PARD3B: variants seen among roughly 807,000 people sequenced by gnomAD.
The protein encoded by PARD3B is par-3 family cell polarity regulator beta.
PARD3B carries 103 observed loss-of-function variants against 130.2 expected under a neutral mutation model. The observed-to-expected ratio is 0.79, with a 90% CI of 0.67 to 0.93. The LOEUF is 0.93. Among genes scored for constraint, PARD3B ranks in the 40% least tolerant of loss-of-function variants. The pLI is 0.00. For missense variants in PARD3B, 1,609 were observed against 1,499.2 expected, an observed-to-expected ratio of 1.07 and a Z score of -1.21; for synonymous variants, 583 against 553.2, an observed-to-expected ratio of 1.05 and a Z score of -0.76.
At chr2:205,080,332 G>A (rs574583098) in intron 4 of PARD3B, among the ~76,000 whole-genome samples, 6 of 151,864 alleles carry the variant, frequency 4.0e-5, no homozygotes, top group South Asian at 4.2e-4. Flanking sequence ...CTCTGCTTCC[G>A]GTTATGTATA....
At chr2:205,167,263 A>T (rs13422432) in intron 11 of PARD3B, among the ~76,000 whole-genome samples, 25,639 of 152,086 alleles carry the variant, frequency 0.17, 2,292 homozygotes, top group Middle Eastern at 0.21. Flanking sequence ...ATCATAAATA[A>T]GCTTTAGAGG....
At chr2:204,563,567 A>T (rs932028741) in intron 1 of PARD3B, among the ~76,000 whole-genome samples, 1 of 152,018 alleles carries the variant, frequency 6.6e-6, no homozygotes, top group African/African-American at 2.4e-5. Context: ...TTTATTTCTT[A>T]TATTTTTGCT....
chr2:205,266,561 A>G lies in PARD3B; in HGVS notation c.2185+20739A>G, dbSNP rs184310134. ...ATGGAAAATACTTAGCTTAGTGCCTAGAACACTGAAAGTACTCAGTCAGTG... is the reference window on the plus strand; with the variant it reads ...ATGGAAAATACTTAGCTTAGTGCCTGGAACACTGAAAGTACTCAGTCAGTG... On this transcript the variant is annotated intron_variant, in intron 16 of 22. Transcript: ENST00000406610. Among the ~76,000 whole-genome samples the G allele has an allele frequency of 5.9e-5, 9 of 152,236 alleles. No homozygotes were observed. The East Asian group carries it at 1.3e-3, about 23-fold the overall frequency.
intron 2 of PARD3B, among the ~76,000 whole-genome samples, chr2:204,883,330 G>C (rs929045966): frequency 7.0e-6 from 1 of 142,590 alleles, no homozygotes; most frequent in African/African-American, 2.6e-5. Context: ...TTTCATTTTT[G>C]ATCAGTTATG....
rs1009435868 is a variant in PARD3B, at chr2:205,536,454, G to A, written c.3181-16870G>A. On this transcript the variant is annotated intron_variant, in intron 21 of 22. Coordinates refer to ENST00000406610, the MANE Select transcript of PARD3B (RefSeq NM_001302769.2). ...GAAAGATGATTCTACCCACTCTTTG[G>A]ATGGGTTGTTCCCCACGGTTGACCC... 9.2e-5 allele frequency among the ~76,000 whole-genome samples: 14 copies of A among 152,228 alleles called. No homozygotes were observed. In the East Asian group the frequency reaches 2.7e-3, roughly 29 times the overall value.
chr2:204,834,614 TAGG>T lies in PARD3B; in HGVS notation c.223-130535_223-130533del, dbSNP rs749180090. ...TATGTTTATTAATTATTATCCTCAC[TAGG>T]AGATCAAAACAGTTGATTAAGAGGA... is the stretch of plus-strand genomic sequence containing the variant. On this transcript the variant is annotated intron_variant, in intron 2 of 22. Coordinates refer to ENST00000406610, the MANE Select transcript of PARD3B (RefSeq NM_001302769.2). Among the ~76,000 whole-genome samples the T allele has an allele frequency of 7.2e-5, 11 of 152,320 alleles. No homozygotes were observed. The East Asian group carries it at 1.7e-3, about 24-fold the overall frequency.
chr2:205,576,086 A>G (rs962341547), intron 22 of PARD3B, among the ~76,000 whole-genome samples: 2 of 151,996 alleles, frequency 1.3e-5, no homozygotes, highest in Non-Finnish European at 2.9e-5. Flanking sequence ...ATGTAGTAGT[A>G]TTTCATTGTT....
intron 2 of PARD3B, among the ~76,000 whole-genome samples, chr2:204,865,553 A>G (rs1211937596): frequency 6.6e-6 from 1 of 152,204 alleles, no homozygotes; most frequent in Non-Finnish European, 1.5e-5. Context: ...CAAACATCGT[A>G]TGTTCTCACT....
intron 2 of PARD3B, among the ~76,000 whole-genome samples, chr2:204,850,591 C>T (rs1210042104): frequency 6.6e-6 from 1 of 151,954 alleles, no homozygotes; most frequent in Non-Finnish European, 1.5e-5. Flanking sequence ...CATAGCTCAG[C>T]AGGAAGTTGC....
chr2:204,656,340 T>C (rs1445301903), intron 1 of PARD3B, among the ~76,000 whole-genome samples: 2 of 150,176 alleles, frequency 1.3e-5, no homozygotes, highest in South Asian at 2.1e-4. Context: ...AATACAGATA[T>C]ATGGAAGGTT....
chr2:205,289,353 T>TG (rs1156955130), intron 16 of PARD3B, among the ~76,000 whole-genome samples: 4 of 152,262 alleles, frequency 2.6e-5, no homozygotes, highest in Admixed American at 2.6e-4. Flanking sequence ...GTGTAAATTT[T>TG]GTTCACCAAA....
At chr2:205,580,423 T>C (rs1465388282) in intron 22 of PARD3B, among the ~76,000 whole-genome samples, 1 of 152,158 alleles carries the variant, frequency 6.6e-6, no homozygotes, top group Non-Finnish European at 1.5e-5. Context: ...ATAATGGGAA[T>C]GACATGTGAG....
chr2:205,012,299 A>G (rs1695778323), intron 3 of PARD3B, among the ~76,000 whole-genome samples: 2 of 152,090 alleles, frequency 1.3e-5, no homozygotes, highest in Non-Finnish European at 2.9e-5. Context: ...AGGATGGTTG[A>G]ATTTCTGTAT....
rs559047938 is a variant in PARD3B at position 204,840,920 on chromosome 2, G to A, written c.223-124232G>A. ...ATGTAAGTATAGGAAAAAACATAGT[G>A]TATATAGGGTTTGGTGCTATTACCA... is the stretch of plus-strand genomic sequence containing the variant. On this transcript the variant is annotated intron_variant, in intron 2 of 22. Coordinates refer to ENST00000406610, the MANE Select transcript of PARD3B (RefSeq NM_001302769.2). 4.6e-5 allele frequency among the ~76,000 whole-genome samples: 7 copies of A among 152,242 alleles called. No homozygotes were observed. The South Asian group carries it at 6.2e-4, about 14-fold the overall frequency.
intron 2 of PARD3B, among the ~76,000 whole-genome samples, chr2:204,878,557 T>C (rs1448037439): frequency 6.6e-6 from 1 of 152,148 alleles, no homozygotes. Flanking sequence ...GTATAGCAAA[T>C]TTTAATAAGA....
intron 4 of PARD3B, among the ~76,000 whole-genome samples, chr2:205,077,884 C>A (rs1267599790): frequency 1.3e-5 from 2 of 151,996 alleles, no homozygotes; most frequent in Non-Finnish European, 2.9e-5. Flanking sequence ...AGAGAGTTGG[C>A]CATAGGAATT....
chr2:204,800,776 A>G (rs934663539), intron 2 of PARD3B, among the ~76,000 whole-genome samples: 2 of 152,182 alleles, frequency 1.3e-5, no homozygotes, highest in African/African-American at 4.8e-5. Flanking sequence ...TTAGTCATGA[A>G]GTCTTTGCCC....
intron 4 of PARD3B, among the ~76,000 whole-genome samples, chr2:205,098,539 C>T (rs549405227): frequency 6.6e-6 from 1 of 152,268 alleles, no homozygotes; most frequent in South Asian, 2.1e-4. Flanking sequence ...CTTGGGAATG[C>T]GATGAGCATT....
rs1040262260 is a variant in PARD3B, at chr2:204,799,827, T to A, written c.222+113545T>A. ...ATTATTGGACTGAGGGTTCCCCAAA[T>A]GCAGATATGGCTGCAGTGACTAAAG... On this transcript the variant is annotated intron_variant, in intron 2 of 22. Transcript: ENST00000406610. This position sits in a 1 kb window ranked among gnomAD's most constrained non-coding sequence, Gnocchi z 4.1. Among the ~76,000 whole-genome samples, 1 of 152,080 alleles carries A rather than the reference T, an allele frequency of 6.6e-6. No individual in the cohort carries two copies.
Sources: allele counts gnomAD v4.1 joint callset (sites outside exome capture counted in the v4.1 genomes callset), GRCh38; gene constraint gnomAD v4.1.1; non-coding constraint Gnocchi (gnomAD v3.1); transcripts MANE v1.5; gene names NCBI Gene and HGNC (gene_info 2026-07-23, HGNC 2026-07-21).